ZNF641: variants seen among roughly 807,000 people sequenced by gnomAD.
The protein encoded by ZNF641 is zinc finger protein 641.
In ZNF641, 26 loss-of-function variants were observed where a neutral mutation model predicts 46.2. That is an observed-to-expected ratio of 0.56 (90% confidence interval 0.41 to 0.78). ZNF641 has a LOEUF of 0.78. ZNF641 is among the 30% of genes least tolerant of loss of function. The pLI is 0.00. For synonymous variants in ZNF641, 163 were observed against 187.9 expected (o/e 0.87, Z 1.09); for missense variants, 469 against 517.8 (o/e 0.91, Z 0.91).
At position 48,342,829 on chromosome 12, in the gene ZNF641, G is replaced by T; in HGVS notation, c.*144C>A. The T allele has an allele frequency of 6.9e-7, 1 of 1,440,400 alleles. No homozygotes were observed. The allele number at this position is 1,440,400 out of a possible 1,614,324, so 89.2% of individuals were successfully genotyped here. A position where few individuals can be genotyped will look rare whatever the true frequency, so the allele number is the denominator to read the frequency against. The stretch of plus-strand genomic sequence containing the variant: ...CACAGAACTGGTGAGAAATGCTCTG[G>T]CCATTGCTGGGACCTCATCTTTCTA... On this transcript the variant is annotated 3_prime_UTR_variant, in exon 6 of 6. Coordinates refer to ENST00000547026, the MANE Select transcript of ZNF641 (RefSeq NM_001172681.2).
At chr12:48,345,610 G>A in intron 3 of ZNF641, 136 bp from the exon 4 acceptor site, 1 of 1,048,884 alleles carries the variant, frequency 9.5e-7, no homozygotes, top group Non-Finnish European at 1.4e-6. Flanking sequence ...TCCCTGGGTA[G>A]GGCACATAGT....
chr12:48,350,389 C>A, intron 1 of ZNF641: 1 of 387,964 alleles, frequency 2.6e-6, no homozygotes, highest in Non-Finnish European at 4.6e-6. Context: ...GGTAAGGTTG[C>A]TTCTTCCCTT....
At position 48,341,771 on chromosome 12, in the gene ZNF641, T is replaced by C. The variant is rs76180855; in HGVS notation, c.*1202A>G. ...AGCTCACCTCCCCAAAGACTCCTCT[T>C]TCTCTGCCAGGGCAAAAGCAATCTG... On this transcript the variant is annotated 3_prime_UTR_variant, in exon 6 of 6. Transcript: ENST00000547026. 1,022 of 985,468 alleles carry C rather than the reference T, an allele frequency of 1.0e-3. 12 individuals are homozygous for C. The African/African-American group carries it at 0.016, about 16-fold the overall frequency. 61.0% of individuals were successfully genotyped at this position (985,468 alleles called of 1,614,324 possible).
At chr12:48,336,748 C>T (rs934308750), downstream of ZNF641, among the ~76,000 whole-genome samples, 2 of 152,354 alleles carry the variant, frequency 1.3e-5, no homozygotes, top group African/African-American at 4.8e-5. Context: ...CACTTGGTGG[C>T]TCCACTCAAC....
chr12:48,347,683 T>C (rs1456702775), intron 2 of ZNF641, among the ~76,000 whole-genome samples: 2 of 152,230 alleles, frequency 1.3e-5, no homozygotes, highest in Admixed American at 1.3e-4. Flanking sequence ...TGCATTTGCA[T>C]GTGGAGGGAG....
At position 48,340,984 on chromosome 12, in the gene ZNF641, A is replaced by G. The variant is rs1234354886; in HGVS notation, c.*1989T>C. The stretch of plus-strand genomic sequence containing the variant: ...CCTTATTCATAGGATCATAAGCAAG[A>G]GAACTGCATTCCAGGAAGAATGAAG... On this transcript the variant is annotated 3_prime_UTR_variant, in exon 6 of 6. Coordinates refer to ENST00000547026, the MANE Select transcript of ZNF641 (RefSeq NM_001172681.2). 7 of 985,518 alleles carry G rather than the reference A, an allele frequency of 7.1e-6. No individual in the cohort carries two copies. The highest frequency in any genetic ancestry group is 8.4e-6 in the Non-Finnish European group (7 of 829,950). The allele number at this position is 985,518 out of a possible 1,614,324, so 61.0% of individuals were successfully genotyped here. A position where few individuals can be genotyped will look rare whatever the true frequency, so the allele number is the denominator to read the frequency against.
chr12:48,336,904 C>T (rs1425506900), downstream of ZNF641, among the ~76,000 whole-genome samples: 1 of 152,212 alleles, frequency 6.6e-6, no homozygotes, highest in Non-Finnish European at 1.5e-5. Flanking sequence ...CGCTGAAGTG[C>T]TCCCTGGGAG....
In ZNF641 at chr12:48,342,924, T is replaced by C. The variant is rs1952754146; in HGVS notation, c.*49A>G. 1.3e-6 allele frequency: 2 copies of C among 1,556,252 alleles called. No homozygotes were observed. Among genetic ancestry groups the C allele is most frequent in the African/African-American group, 1.4e-5 (1 of 73,802 alleles). On this transcript the variant is annotated 3_prime_UTR_variant, in exon 6 of 6. Transcript: ENST00000547026. ...GAACGGCAGCCCTGGCAGTGACTCC[T>C]GGTAGCACCGGCTGATAGACTTGAC...
At chr12:48,344,856 C>T in intron 4 of ZNF641, 144 bp from the exon 5 acceptor site, 1 of 587,056 alleles carries the variant, frequency 1.7e-6, no homozygotes, top group Non-Finnish European at 3.0e-6. Flanking sequence ...CCCACCCCAA[C>T]CTCTTCCCCC....
rs773111589 is a variant in ZNF641 at position 48,343,331 on chromosome 12, C to G, written c.917G>C (p.Ser306Thr). 4 of 1,614,082 alleles carry G rather than the reference C, an allele frequency of 2.5e-6. No individual in the cohort carries two copies. The highest frequency in any genetic ancestry group is 3.4e-6 in the Non-Finnish European group (4 of 1,180,056). Residue 306 changes from serine (S) to threonine (T), a missense_variant, in exon 6 of 6, where the codon AGC becomes ACC. Around this residue, in one of 3 missense-constraint regions of ZNF641, gnomAD observed 346 missense variants for 354.0 expected, o/e 0.98. Transcript: ENST00000547026. ...HQKTHLHDKT[S>T]RCSECGKNFR... ...ATTCTTACCACACTCAGAGCACCTG[C>G]TGGTCTTGTCATGTAGGTGGGTTTT...
intron 1 of ZNF641, 109 bp from the exon 2 acceptor site, chr12:48,348,224 G>A: frequency 9.4e-7 from 1 of 1,062,934 alleles, no homozygotes; most frequent in East Asian, 2.5e-5. Context: ...TAGATAGGAG[G>A]AGCTTGCTGG....
intron 5 of ZNF641, 38 bp from the exon 6 acceptor site, chr12:48,343,765 TCA>T: frequency 1.4e-6 from 2 of 1,440,792 alleles, no homozygotes; most frequent in Non-Finnish European, 9.1e-7. Flanking sequence ...AAGAGAAGAG[TCA>T]CAAGAGAGTG....
rs73293046 is a variant in ZNF641 at position 48,344,742 on chromosome 12, C to T, written c.407-30G>A. ...TCATGGGAAAGGAAAATAGAGCTGT[C>T]AATTAGTTCAACAGCAATTCTATAT... On this transcript the variant is annotated intron_variant, in intron 4 of 5. Coordinates refer to ENST00000547026, the MANE Select transcript of ZNF641 (RefSeq NM_001172681.2). 4.7e-3 allele frequency: 6,186 copies of T among 1,307,784 alleles called. 249 individuals carry two copies. In the African/African-American group the frequency reaches 0.079, roughly 17 times the overall value. The allele number at this position is 1,307,784 out of a possible 1,614,324, so 81.0% of individuals were successfully genotyped here. A position where few individuals can be genotyped will look rare whatever the true frequency, so the allele number is the denominator to read the frequency against.
chr12:48,349,333 CT>C (rs1246248480), intron 1 of ZNF641, among the ~76,000 whole-genome samples: 4 of 152,124 alleles, frequency 2.6e-5, no homozygotes, highest in Non-Finnish European at 5.9e-5. Context: ...TAATCTGAGA[CT>C]CAGAATCTCT....
Position 48,340,029 on chromosome 12 carries a change from AAC to A in ZNF641, c.*2942_*2943del. 2 of 985,430 alleles carry A rather than the reference AAC, an allele frequency of 2.0e-6. No individual in the cohort carries two copies. The highest frequency in any genetic ancestry group is 2.4e-6 in the Non-Finnish European group (2 of 829,936). The allele number at this position is 985,430 out of a possible 1,614,324, so 61.0% of individuals were successfully genotyped here. A position where few individuals can be genotyped will look rare whatever the true frequency, so the allele number is the denominator to read the frequency against. ...CCTGTTTTACATTTTGCCCAAAGAG[AAC>A]ACAGAGATTCTTTTTATTTAAAGGG... On this transcript the variant is annotated 3_prime_UTR_variant, in exon 6 of 6. Coordinates refer to ENST00000547026, the MANE Select transcript of ZNF641 (RefSeq NM_001172681.2).
chr12:48,342,993 T>C lies in ZNF641; in HGVS notation c.1255A>G (p.Arg419Gly). The C allele has an allele frequency of 1.9e-6, 3 of 1,613,210 alleles. No individual in the cohort carries two copies. The South Asian group carries it at 3.3e-5, about 18-fold the overall frequency. Residue 419 changes from arginine (R) to glycine (G), a missense_variant, in exon 6 of 6, where the codon AGA (arginine) becomes GGA (glycine). By Grantham distance (125) the Arg-to-Gly change is moderately radical. This residue lies in a region of ZNF641 where 346 missense variants were observed against 354.0 expected (regional missense o/e 0.98). Coordinates refer to ENST00000547026, the MANE Select transcript of ZNF641 (RefSeq NM_001172681.2). ...QGQSPRNSWD[R>G]GTSVF Reference sequence around the variant, plus strand: ...AGATTTCAAAAGACAGATGTTCCTCTGTCCCAGCTGTTCCGGGGACTTTGT... The same window carrying C: ...AGATTTCAAAAGACAGATGTTCCTCCGTCCCAGCTGTTCCGGGGACTTTGT...
In ZNF641 at chr12:48,337,479, A is replaced by AT. The variant is rs2136164008; in HGVS notation, c.*5493dup. The AT allele has an allele frequency of 6.6e-6, 1 of 152,240 alleles. No individual in the cohort carries two copies. The highest frequency in any genetic ancestry group is 1.9e-4 in the East Asian group (1 of 5,160). 9.4% of individuals were successfully genotyped at this position (152,240 alleles called of 1,614,324 possible). A position where few individuals can be genotyped will look rare whatever the true frequency, so the allele number is the denominator to read the frequency against. ...TCACATTTGATCTCCCAGGCCTGAA[A>AT]TTGCCAGTGCCTGGCACATAATAAG... On this transcript the variant is annotated 3_prime_UTR_variant, in exon 6 of 6. Transcript: ENST00000547026.
At position 48,341,028 on chromosome 12, in the gene ZNF641, A is replaced by T. The variant is rs1952704866; in HGVS notation, c.*1945T>A. ...AATGAAGGAAGAAGGAAGGCTGCTCACAGTAGCAGAAGGGAGGCAGGGGCC... is the reference window on the plus strand; with the variant it reads ...AATGAAGGAAGAAGGAAGGCTGCTCTCAGTAGCAGAAGGGAGGCAGGGGCC... On this transcript the variant is annotated 3_prime_UTR_variant, in exon 6 of 6. Transcript: ENST00000547026. The T allele has an allele frequency of 2.0e-6, 2 of 985,416 alleles. No individual in the cohort carries two copies. Among genetic ancestry groups the T allele is most frequent in the East Asian group, 1.1e-4 (1 of 8,828 alleles). The allele number at this position is 985,416 out of a possible 1,614,324, so 61.0% of individuals were successfully genotyped here.
chr12:48,347,230 C>T (rs532919015), intron 3 of ZNF641, 22 bp downstream of exon 3: 48 of 1,613,758 alleles, frequency 3.0e-5, no homozygotes, highest in South Asian at 1.1e-4. Context: ...CCACAGGAGA[C>T]GCCAAGGGAA....
Sources: allele counts gnomAD v4.1 joint callset (sites outside exome capture counted in the v4.1 genomes callset), GRCh38; gene constraint gnomAD v4.1.1; regional missense constraint gnomAD v4.1.1; transcripts MANE v1.5; gene names NCBI Gene and HGNC (gene_info 2026-07-23, HGNC 2026-07-21).